The following NYAP2 variants were observed in gnomAD, a reference collection of about 807,000 sequenced individuals.
NYAP2 encodes neuronal tyrosine-phosphorylated phosphoinositide-3-kinase adapter 2.
In NYAP2, 23 loss-of-function variants were observed where a neutral mutation model predicts 50.4. The observed-to-expected ratio is 0.46, with a 90% CI of 0.33 to 0.65. NYAP2 has a LOEUF of 0.65. Ranked by LOEUF, NYAP2 falls within the 30% of genes least tolerant of loss-of-function variation. The pLI is 0.02. For missense variants in NYAP2, 885 were observed against 861.0 expected, an observed-to-expected ratio of 1.03 and a Z score of -0.35; for synonymous variants, 394 against 365.2, an observed-to-expected ratio of 1.08 and a Z score of -0.90.
chr2:225,677,039 C>A, the NYAP2 span, among the ~76,000 whole-genome samples: 1 of 152,100 alleles, frequency 6.6e-6, no homozygotes, highest in Non-Finnish European at 1.5e-5. Flanking sequence ...AACCCATGAG[C>A]ATGGAATAAT....
chr2:225,588,548 A>G (rs1692431429), intron 5 of NYAP2, among the ~76,000 whole-genome samples: 2 of 152,188 alleles, frequency 1.3e-5, no homozygotes, highest in African/African-American at 4.8e-5. Flanking sequence ...AACTCTTACT[A>G]ATTTAATTTT....
In NYAP2 at chr2:225,596,106, A is replaced by G. The variant is rs185035767; in HGVS notation, c.1618+13071A>G. On this transcript the variant is annotated intron_variant, in intron 5 of 6. Transcript: ENST00000636099. ...TGATTCACAGGCATGTTCATAGTGC[A>G]CTACAGCCTCCAACTTCTGGCCTCA... Among the ~76,000 whole-genome samples, 322 of 152,278 alleles carry G rather than the reference A, an allele frequency of 2.1e-3. 1 individual carries two copies. The highest frequency in any genetic ancestry group is 7.3e-3 in the African/African-American group (302 of 41,556).
the NYAP2 span, among the ~76,000 whole-genome samples, chr2:225,691,646 C>T: frequency 6.6e-6 from 1 of 152,062 alleles, no homozygotes; most frequent in Non-Finnish European, 1.5e-5. Context: ...CAATAACACC[C>T]CTGGCCGACC....
the NYAP2 span, among the ~76,000 whole-genome samples, chr2:225,664,465 T>G: frequency 1.3e-5 from 2 of 152,192 alleles, no homozygotes; most frequent in Non-Finnish European, 2.9e-5. Flanking sequence ...GCAGACACAT[T>G]GGGACTGTTG....
At chr2:225,616,313 T>C (rs986813122) in intron 5 of NYAP2, among the ~76,000 whole-genome samples, 1 of 152,148 alleles carries the variant, frequency 6.6e-6, no homozygotes, top group Non-Finnish European at 1.5e-5. Flanking sequence ...GAAGGAATAA[T>C]GAAATATAAA....
intron 3 of NYAP2, among the ~76,000 whole-genome samples, chr2:225,433,110 AAATGT>A (rs1689295919): frequency 6.6e-6 from 1 of 152,230 alleles, no homozygotes; most frequent in South Asian, 2.1e-4. Context: ...AAAACCTATA[AAATGT>A]AATGTAATTA....
Position 225,457,146 on chromosome 2 carries a change from G to T in NYAP2, c.221+48045G>T, listed in dbSNP as rs531487807. Among the ~76,000 whole-genome samples, 4 of 152,278 alleles carry T rather than the reference G, an allele frequency of 2.6e-5. No individual in the cohort carries two copies. The South Asian group carries it at 8.3e-4, about 32-fold the overall frequency. On this transcript the variant is annotated intron_variant, in intron 3 of 6. Coordinates refer to ENST00000636099, the Ensembl canonical transcript of NYAP2. ...ATCATGTGCCAGGCACTGGTCCTAC[G>T]CTATGCGGAGTGAATGCAATGTACA... is the stretch of plus-strand genomic sequence containing the variant.
intron 2 of NYAP2, among the ~76,000 whole-genome samples, chr2:225,402,732 A>AT (rs1456765763): frequency 6.6e-6 from 1 of 152,008 alleles, no homozygotes; most frequent in Non-Finnish European, 1.5e-5. Flanking sequence ...AACATTTCCC[A>AT]TTTTGGGCAG....
At chr2:225,610,318 T>A (rs533075559) in intron 5 of NYAP2, among the ~76,000 whole-genome samples, 2 of 152,244 alleles carry the variant, frequency 1.3e-5, no homozygotes, top group South Asian at 4.1e-4. Context: ...TGGGTGCTCA[T>A]GTGACCTTTA....
chr2:225,501,660 T>C (rs980895732), intron 3 of NYAP2, among the ~76,000 whole-genome samples: 10 of 152,222 alleles, frequency 6.6e-5, no homozygotes, highest in Non-Finnish European at 1.5e-4. Flanking sequence ...TAGCTAATCA[T>C]ACCTAAGCCT....
At chr2:225,642,893 A>G (rs1206879480) in intron 6 of NYAP2, among the ~76,000 whole-genome samples, 1 of 152,184 alleles carries the variant, frequency 6.6e-6, no homozygotes, top group South Asian at 2.1e-4. Context: ...TTTAAAAACT[A>G]TTTACTACCA....
chr2:225,645,979 A>C (rs1305751706), intron 6 of NYAP2, among the ~76,000 whole-genome samples: 2 of 152,224 alleles, frequency 1.3e-5, no homozygotes, highest in Non-Finnish European at 2.9e-5. Flanking sequence ...CTTTTGGTCA[A>C]GTTAGTTGAG....
At chr2:225,448,927 G>A (rs1689604497) in intron 3 of NYAP2, among the ~76,000 whole-genome samples, 1 of 152,156 alleles carries the variant, frequency 6.6e-6, no homozygotes, top group Non-Finnish European at 1.5e-5. Context: ...AAAAGGACAC[G>A]ATGTGTTTAT....
At chr2:225,639,614 AGGCTG>A (rs143632821) in intron 6 of NYAP2, among the ~76,000 whole-genome samples, 1,811 of 152,274 alleles carry the variant, frequency 0.012, 32 homozygotes, top group Middle Eastern at 0.041. Flanking sequence ...TGATTTAATT[AGGCTG>A]GGTTTCTCTA....
chr2:225,667,147 C>G, the NYAP2 span, among the ~76,000 whole-genome samples: 2 of 152,158 alleles, frequency 1.3e-5, no homozygotes, highest in Admixed American at 1.3e-4. Flanking sequence ...TTCCTGTATT[C>G]AGCCAACAAA....
chr2:225,568,943 G>A (rs1692013639), intron 4 of NYAP2, among the ~76,000 whole-genome samples: 1 of 152,128 alleles, frequency 6.6e-6, no homozygotes, highest in African/African-American at 2.4e-5. Context: ...TAAGAGAAAA[G>A]GCAAACAAAC....
chr2:225,595,540 T>C (rs1226372504), intron 5 of NYAP2, among the ~76,000 whole-genome samples: 1 of 152,222 alleles, frequency 6.6e-6, no homozygotes, highest in Non-Finnish European at 1.5e-5. Context: ...TGACAAGAGA[T>C]ATGTGTCAAA....
At chr2:225,691,366 A>C in the NYAP2 span, among the ~76,000 whole-genome samples, 2 of 152,100 alleles carry the variant, frequency 1.3e-5, no homozygotes, top group Non-Finnish European at 2.9e-5. Context: ...ATTTCATGTA[A>C]TTTCCATGTG....
chr2:225,579,254 A>AT (rs1036429192), intron 4 of NYAP2, among the ~76,000 whole-genome samples: 3 of 152,134 alleles, frequency 2.0e-5, no homozygotes, highest in African/African-American at 4.8e-5. Flanking sequence ...CAACAGATGA[A>AT]TTTTTTTGTG....
Sources: allele counts gnomAD v4.1 joint callset (sites outside exome capture counted in the v4.1 genomes callset), GRCh38; gene constraint gnomAD v4.1.1; transcripts MANE v1.5; gene names NCBI Gene and HGNC (gene_info 2026-07-23, HGNC 2026-07-21).